Variants in EML6 observed in about 807,000 individuals in gnomAD.
EML6 encodes the protein EMAP like 6.
A neutral mutation model predicts 240.1 loss-of-function variants in EML6; 154 were observed. The observed-to-expected ratio is 0.64, with a 90% CI of 0.56 to 0.73. The LOEUF (loss-of-function observed/expected upper bound fraction) is 0.73. Ranked by LOEUF, EML6 falls within the 30% of genes least tolerant of loss-of-function variation. EML6 has a pLI of 0.00. For synonymous variants in EML6, 1,148 were observed against 899.0 expected (o/e 1.28, Z -4.95); for missense variants, 2,964 against 2,474.6 (o/e 1.20, Z -4.20).
intron 17 of EML6, among the ~76,000 whole-genome samples, chr2:54,885,439 C>G (rs185423854): frequency 9.3e-5 from 14 of 150,766 alleles, no homozygotes; most frequent in African/African-American, 3.5e-4. Flanking sequence ...AAGAACGAAA[C>G]TCTGTCTCAA....
intron 26 of EML6, 63 bp from the exon 27 acceptor site, chr2:54,928,250 A>G (rs1347158313): frequency 3.1e-6 from 4 of 1,285,104 alleles, no homozygotes; most frequent in Non-Finnish European, 4.4e-6. Flanking sequence ...ACTAACATGG[A>G]TAAACGAGCC....
chr2:54,817,591 A>G lies in EML6; in HGVS notation c.456+706A>G, dbSNP rs375838092. Among the ~76,000 whole-genome samples, 6 of 152,222 alleles carry G rather than the reference A, an allele frequency of 3.9e-5. No individual in the cohort carries two copies. In the East Asian group the frequency reaches 7.7e-4, roughly 20 times the overall value. On this transcript the variant is annotated intron_variant, in intron 4 of 41. Transcript: ENST00000356458. ...CAGTCTTTTGGCTTCCCTGGGCCACATTGGAAGAATTGTCTTGGGCCACAC... is the reference window on the plus strand; with the variant it reads ...CAGTCTTTTGGCTTCCCTGGGCCACGTTGGAAGAATTGTCTTGGGCCACAC...
At chr2:54,773,126 C>T (rs960241962) in intron 2 of EML6, among the ~76,000 whole-genome samples, 4 of 152,332 alleles carry the variant, frequency 2.6e-5, no homozygotes, top group African/African-American at 7.2e-5. Context: ...AGCCTGTGGG[C>T]GGCTGGGTGA....
At chr2:54,816,344 T>C (rs556647469) in intron 3 of EML6, among the ~76,000 whole-genome samples, 29 of 152,326 alleles carry the variant, frequency 1.9e-4, no homozygotes, top group Non-Finnish European at 3.1e-4. Flanking sequence ...AACTAAAAAT[T>C]AATGTTCATT....
intron 26 of EML6, among the ~76,000 whole-genome samples, chr2:54,924,432 C>T (rs2104367513): frequency 6.6e-6 from 1 of 152,094 alleles, no homozygotes; most frequent in East Asian, 1.9e-4. Flanking sequence ...ATTATCTTTT[C>T]ATTCTTGAGT....
chr2:54,890,008 G>A (rs1299571803), intron 17 of EML6, among the ~76,000 whole-genome samples: 2 of 152,192 alleles, frequency 1.3e-5, no homozygotes, highest in South Asian at 4.1e-4. Flanking sequence ...ACAAAGTACA[G>A]GGAAATACAA....
At chr2:54,927,798 ATTCT>A (rs1214752447) in intron 26 of EML6, among the ~76,000 whole-genome samples, 3 of 152,256 alleles carry the variant, frequency 2.0e-5, no homozygotes, top group African/African-American at 7.2e-5. Flanking sequence ...TGTATTAAAA[ATTCT>A]TTCTAGCGTC....
intron 2 of EML6, among the ~76,000 whole-genome samples, chr2:54,798,575 G>T (rs1669944266): frequency 6.6e-6 from 1 of 152,112 alleles, no homozygotes; most frequent in Admixed American, 6.5e-5. Context: ...CATTAAAATT[G>T]TTTTCCAAAA....
intron 31 of EML6, 91 bp downstream of exon 31, chr2:54,952,783 T>A: frequency 1.2e-6 from 1 of 814,726 alleles, no homozygotes; most frequent in Non-Finnish European, 2.0e-6. Context: ...GTGGGTTGCT[T>A]ACATCCATCC....
intron 28 of EML6, among the ~76,000 whole-genome samples, chr2:54,935,139 T>A (rs1675071816): frequency 6.6e-6 from 1 of 152,220 alleles, no homozygotes; most frequent in Non-Finnish European, 1.5e-5. Context: ...GTTGTCACGT[T>A]TGGTCTTTAG....
intron 28 of EML6, among the ~76,000 whole-genome samples, chr2:54,944,394 C>G (rs763367490): frequency 2.6e-5 from 4 of 152,170 alleles, no homozygotes; most frequent in Non-Finnish European, 5.9e-5. Flanking sequence ...CTCTCCATGA[C>G]AAAGTGCTGT....
intron 7 of EML6, among the ~76,000 whole-genome samples, chr2:54,835,280 A>AAAGGTAGGGATC (rs1203946748): frequency 1.3e-5 from 2 of 152,150 alleles, no homozygotes; most frequent in African/African-American, 4.8e-5. Context: ...CTGTTTCCAC[A>AAAGGTAGGGATC]AAGGTAGGGA....
At position 54,943,001 on chromosome 2, in the gene EML6, G is replaced by A. The variant is rs188681173; in HGVS notation, c.4005-5881G>A. ...CCACTCTTCTTATAGGAAGTCCCAC[G>A]TTGGCACAGATGGCCACCACCAGAG... On this transcript the variant is annotated intron_variant, in intron 28 of 41. Transcript: ENST00000356458. Among the ~76,000 whole-genome samples the A allele has an allele frequency of 8.7e-3, 1,317 of 152,042 alleles. 10 individuals carry two copies. Among genetic ancestry groups the A allele is most frequent in the South Asian group, 0.016 (78 of 4,818 alleles).
intron 9 of EML6, among the ~76,000 whole-genome samples, chr2:54,849,639 C>T (rs1194486577): frequency 6.6e-6 from 1 of 152,170 alleles, no homozygotes; most frequent in Non-Finnish European, 1.5e-5. Flanking sequence ...CAGGCGCCTG[C>T]CACCACGGCC....
At chr2:54,918,651 T>C (rs1674060371) in intron 26 of EML6, among the ~76,000 whole-genome samples, 1 of 152,122 alleles carries the variant, frequency 6.6e-6, no homozygotes, top group Non-Finnish European at 1.5e-5. Context: ...CCAGCTGTCA[T>C]TCTGTTTATT....
chr2:54,905,082 C>G (rs1182071445), intron 24 of EML6, among the ~76,000 whole-genome samples: 1 of 152,132 alleles, frequency 6.6e-6, no homozygotes, highest in East Asian at 1.9e-4. Context: ...GTCTGTTTCG[C>G]TTTCATGTCA....
In EML6 at chr2:54,895,395, G is replaced by A; in HGVS notation, c.2977G>A (p.Val993Ile). ...IDKSGPMTLL[V>I]QGHMEGEVWG... ...TAAGAGTGGCCCAATGACACTGCTT[G>A]TTCAGGTACTGTTTGTATGTATTCT... Residue 993 changes from valine to isoleucine, a missense_variant, in exon 21 of 42, where the codon GTT becomes ATT. Coordinates refer to ENST00000356458, the MANE Select transcript of EML6 (RefSeq NM_001039753.4). 2 of 1,551,890 alleles carry A rather than the reference G, an allele frequency of 1.3e-6. No individual in the cohort carries two copies. The highest frequency in any genetic ancestry group is 8.7e-7 in the Non-Finnish European group (1 of 1,146,908).
Position 54,948,955 on chromosome 2 carries a change from G to T in EML6, c.4078G>T (p.Val1360Phe). ...KNNITKKKKL[V>F]EELALDHVFG... ...CAATATCACCAAAAAAAAGAAACTGGTTGAGGTGAGTTAAACAATCACTTG... is the reference window on the plus strand; with the variant it reads ...CAATATCACCAAAAAAAAGAAACTGTTTGAGGTGAGTTAAACAATCACTTG... Residue 1360 changes from valine to phenylalanine, a missense_variant, in exon 29 of 42, where the codon GTT (valine) becomes TTT (phenylalanine). Physicochemically the swap from Val to Phe is conservative, Grantham distance 50 (BLOSUM62 -1). Transcript: ENST00000356458. 6.5e-7 allele frequency: 1 copy of T among 1,548,582 alleles called. No homozygotes were observed.
At chr2:54,796,965 C>T (rs1281606993) in intron 2 of EML6, among the ~76,000 whole-genome samples, 3 of 151,612 alleles carry the variant, frequency 2.0e-5, no homozygotes, top group African/African-American at 7.3e-5. Flanking sequence ...AGATCCAGAC[C>T]ATACTGGCTA....
Sources: gnomAD v4.1 joint callset for allele counts (sites outside exome capture counted in the v4.1 genomes callset) on GRCh38, gnomAD v4.1.1 for gene constraint, MANE v1.5 for transcripts, NCBI Gene and HGNC (gene_info 2026-07-23, HGNC 2026-07-21) for gene names.